MTO1: variants seen among roughly 807,000 people sequenced by gnomAD.
MTO1 encodes mitochondrial tRNA translation optimization 1.
MTO1 carries 46 observed loss-of-function variants against 71.6 expected under a neutral mutation model. The ratio of observed to expected loss-of-function variants is 0.64; its 90% CI spans 0.51 to 0.82. MTO1 has a LOEUF of 0.82. MTO1 is among the 40% of genes least tolerant of loss of function. The pLI, the probability that MTO1 is intolerant of heterozygous loss-of-function variation, is 0.00. For synonymous variants in MTO1, 297 were observed against 312.1 expected, an observed-to-expected ratio of 0.95 and a Z score of 0.51; for missense variants, 773 against 867.5, an observed-to-expected ratio of 0.89 and a Z score of 1.37.
At chr6:73,476,443 G>A in intron 4 of MTO1, among the ~76,000 whole-genome samples, 1 of 140,310 alleles carries the variant, frequency 7.1e-6, no homozygotes, top group Admixed American at 7.1e-5. Flanking sequence ...AAAAGACGGA[G>A]AAAAACAAAA....
At chr6:73,473,784 TG>T in intron 4 of MTO1, 130 bp downstream of exon 4, 2 of 698,222 alleles carry the variant, frequency 2.9e-6, no homozygotes, top group Non-Finnish European at 4.4e-6. Context: ...TGCAAAGAAA[TG>T]ATTTTTTTTT....
chr6:73,494,275 T>C (rs1301519633), intron 10 of MTO1, among the ~76,000 whole-genome samples: 1 of 151,988 alleles, frequency 6.6e-6, no homozygotes, highest in East Asian at 1.9e-4. Context: ...TAATATTGGC[T>C]TCTGCATTTT....
At chr6:73,473,785 G>GT in intron 4 of MTO1, 131 bp downstream of exon 4, 1 of 628,122 alleles carries the variant, frequency 1.6e-6, no homozygotes, top group South Asian at 2.4e-5. Context: ...GCAAAGAAAT[G>GT]ATTTTTTTTT....
chr6:73,472,218 T>C (rs1771178148), intron 3 of MTO1, among the ~76,000 whole-genome samples: 1 of 152,216 alleles, frequency 6.6e-6, no homozygotes, highest in African/African-American at 2.4e-5. Context: ...TGAGTTACCA[T>C]TCTTCCAAAC....
At chr6:73,477,169 G>A (rs1225979734) in intron 4 of MTO1, among the ~76,000 whole-genome samples, 2 of 151,338 alleles carry the variant, frequency 1.3e-5, no homozygotes, top group Non-Finnish European at 2.9e-5. Context: ...GCCAAGGCAG[G>A]TGGATCACTT....
At chr6:73,500,483 A>T in intron 11 of MTO1, 91 bp from the exon 12 acceptor site, 1 of 993,346 alleles carries the variant, frequency 1.0e-6, no homozygotes, top group Non-Finnish European at 1.4e-6. Context: ...TATTGTATAA[A>T]CTATACTATA....
chr6:73,482,789 C>CCTTTT (rs772625846), intron 9 of MTO1, among the ~76,000 whole-genome samples, 169 bp downstream of exon 9: 1 of 92,148 alleles, frequency 1.1e-5, no homozygotes. Context: ...TTTTTTCTTT[C>CCTTTT]TTTTTTTTTT....
intron 6 of MTO1, 107 bp downstream of exon 6, chr6:73,480,233 G>A: frequency 9.6e-7 from 1 of 1,047,084 alleles, no homozygotes; most frequent in East Asian, 2.4e-5. Context: ...AGAAGATGAA[G>A]CCCAACACCT....
chr6:73,491,670 C>A (rs1485328905), intron 9 of MTO1, among the ~76,000 whole-genome samples: 1 of 152,084 alleles, frequency 6.6e-6, no homozygotes, highest in Non-Finnish European at 1.5e-5. Context: ...AGATGATATT[C>A]TATATGAAAG....
intron 3 of MTO1, among the ~76,000 whole-genome samples, chr6:73,467,056 G>A (rs779988712): frequency 2.0e-5 from 3 of 152,076 alleles, no homozygotes; most frequent in South Asian, 2.1e-4. Flanking sequence ...GCTCATGCCC[G>A]TAATCCTAGC....
At position 73,473,554 on chromosome 6, in the gene MTO1, G is replaced by A. The variant is rs764063598; in HGVS notation, c.725G>A (p.Arg242Gln). The change falls in exon 4 of 12, where the codon CGA (arginine) becomes CAA (glutamine). Residue 242 changes from arginine (R) to glutamine (Q), a missense_variant. Transcript: ENST00000498286. ...AGGTTGAAGACTGGGACTCCACCCC[G>A]AATTGCCAAAGAGTCCATTAATTTC... ...VGRLKTGTPP[R>Q]IAKESINFSI... is the part of the protein sequence containing the mutation. 15 of 1,613,886 alleles carry A rather than the reference G, an allele frequency of 9.3e-6. No individual in the cohort carries two copies. Among genetic ancestry groups the A allele is most frequent in the South Asian group, 4.4e-5 (4 of 91,054 alleles).
chr6:73,475,199 G>C (rs1053076572), intron 4 of MTO1, among the ~76,000 whole-genome samples: 1 of 151,982 alleles, frequency 6.6e-6, no homozygotes, highest in Non-Finnish European at 1.5e-5. Flanking sequence ...CTGAGCTCAA[G>C]CCATCCGCCC....
chr6:73,494,985 G>A (rs1363795777), intron 10 of MTO1, among the ~76,000 whole-genome samples: 1 of 149,718 alleles, frequency 6.7e-6, no homozygotes, highest in South Asian at 2.1e-4. Flanking sequence ...GTTTCACCAT[G>A]TTGGCCAGGC....
Position 73,466,525 on chromosome 6 carries a change from G to A in MTO1, c.454G>A (p.Glu152Lys). 1 of 1,614,184 alleles carries A rather than the reference G, an allele frequency of 6.2e-7. No individual in the cohort carries two copies. The highest frequency in any genetic ancestry group is 8.5e-7 in the Non-Finnish European group (1 of 1,180,036). ...ILNTPLLTVQ[E>K]GAVEDLILTE... ...GAATACACCACTGCTTACTGTTCAGGAGGGAGCTGTAGAAGATCTTATTCT... is the reference window on the plus strand; with the variant it reads ...GAATACACCACTGCTTACTGTTCAGAAGGGAGCTGTAGAAGATCTTATTCT... The change falls in exon 3 of 12, where the codon GAG becomes AAG. Residue 152 changes from glutamate (E) to lysine (K), a missense_variant. Transcript: ENST00000498286.
At chr6:73,477,642 G>A (rs771388878) in intron 4 of MTO1, among the ~76,000 whole-genome samples, 1 of 151,072 alleles carries the variant, frequency 6.6e-6, no homozygotes, top group Non-Finnish European at 1.5e-5. Flanking sequence ...AAGTAGCTGC[G>A]ACCACAGGTG....
chr6:73,506,710 T>TG lies in MTO1; in HGVS notation c.*5977dup, dbSNP rs1772297051. The TG allele has an allele frequency of 8.3e-6, 1 of 120,704 alleles. No homozygotes were observed. The highest frequency in any genetic ancestry group is 1.7e-5 in the Non-Finnish European group (1 of 59,250). 7.5% of individuals were successfully genotyped at this position (120,704 alleles called of 1,614,324 possible). On this transcript the variant is annotated 3_prime_UTR_variant, in exon 12 of 12. Transcript: ENST00000498286. ...TTTTTTTTTTTTTTTTTTTTTGAGA[T>TG]GGAGTTTCGCTCTTGTTGCCCAGGC...
At position 73,503,126 on chromosome 6, in the gene MTO1, A is replaced by C. The variant is rs1182099712; in HGVS notation, c.*2391A>C. On this transcript the variant is annotated 3_prime_UTR_variant, in exon 12 of 12. Transcript: ENST00000498286. The stretch of plus-strand genomic sequence containing the variant: ...TAGGATGTGAACTTCTTTATTTTTT[A>C]GAGACAGGGTCTCACTCTGTTGCCC... The C allele has an allele frequency of 6.6e-6, 1 of 152,118 alleles. No homozygotes were observed. Among genetic ancestry groups the C allele is most frequent in the Non-Finnish European group, 1.5e-5 (1 of 68,008 alleles). 9.4% of individuals were successfully genotyped at this position (152,118 alleles called of 1,614,324 possible). A position where few individuals can be genotyped will look rare whatever the true frequency, so the allele number is the denominator to read the frequency against.
chr6:73,497,819 C>T lies in MTO1; in HGVS notation c.1840C>T (p.Leu614=), dbSNP rs2150044988. 6.2e-7 allele frequency: 1 copy of T among 1,613,802 alleles called. No homozygotes were observed. Among genetic ancestry groups the T allele is most frequent in the Non-Finnish European group, 8.5e-7 (1 of 1,179,834 alleles). ...QDEALQLPKD[L]DYLTIRDVSL... The stretch of plus-strand genomic sequence containing the variant: ...TGAAGCTCTCCAACTGCCAAAAGAC[C>T]TAGATTATTTGACTATCAGGGATGT... The change falls in exon 11 of 12, where the codon CTA becomes TTA. Residue 614 remains leucine (L), a synonymous_variant. Coordinates refer to ENST00000498286, the MANE Select transcript of MTO1 (RefSeq NM_012123.4).
chr6:73,478,628 C>T (rs2087170734), intron 4 of MTO1, among the ~76,000 whole-genome samples: 2 of 151,990 alleles, frequency 1.3e-5, no homozygotes, highest in Non-Finnish European at 2.9e-5. Flanking sequence ...AACCTCCACC[C>T]CCTGGGTTCA....
Sources: gnomAD v4.1 joint callset for allele counts (sites outside exome capture counted in the v4.1 genomes callset) on GRCh38, gnomAD v4.1.1 for gene constraint, MANE v1.5 for transcripts, NCBI Gene and HGNC (gene_info 2026-07-23, HGNC 2026-07-21) for gene names.